CTNND2: variants seen among roughly 807,000 people sequenced by gnomAD.
CTNND2 encodes catenin delta 2.
A neutral mutation model predicts 144.4 loss-of-function variants in CTNND2; 22 were observed. The observed-to-expected ratio is 0.15, with a 90% CI of 0.11 to 0.22. CTNND2 has a LOEUF of 0.22. Among genes scored for constraint, CTNND2 ranks in the 10% least tolerant of loss-of-function variants. The probability of loss-of-function intolerance (pLI) is 1.00; values close to 1 mark genes in which losing one functional copy is unlikely to be tolerated. For missense variants in CTNND2, 1,353 were observed against 1,618.8 expected (o/e 0.84, Z 2.82); for synonymous variants, 751 against 695.6 (o/e 1.08, Z -1.25).
intron 1 of CTNND2, among the ~76,000 whole-genome samples, chr5:11,738,597 C>T (rs143816704): frequency 4.2e-3 from 643 of 152,298 alleles, no homozygotes; most frequent in Non-Finnish European, 6.8e-3. Context: ...CAAACACACA[C>T]GTAAATTCTT....
Position 11,687,490 on chromosome 5 carries a change from C to A in CTNND2, c.174+44646G>T, listed in dbSNP as rs12515796. ...AAACCTGCTGCCCCCACTTAGTCAC[C>A]AAGGTGTGGGCAAGCTACTACACCT... On this transcript the variant is annotated intron_variant, in intron 2 of 21. Coordinates refer to ENST00000304623, the MANE Select transcript of CTNND2 (RefSeq NM_001332.4). Among the ~76,000 whole-genome samples the A allele has an allele frequency of 3.8e-3, 577 of 152,360 alleles. 15 individuals are homozygous for A. The highest frequency in any genetic ancestry group is 0.035 in the Admixed American group (540 of 15,308).
intron 1 of CTNND2, among the ~76,000 whole-genome samples, chr5:11,768,669 C>T (rs1045830506): frequency 6.6e-6 from 1 of 152,166 alleles, no homozygotes; most frequent in African/African-American, 2.4e-5. Context: ...CTAAGCCAGA[C>T]CCACACTGCA....
rs188760724 is a variant in CTNND2, at chr5:11,026,288, A to G, written c.2789-3309T>C. On this transcript the variant is annotated intron_variant, in intron 16 of 21. Transcript: ENST00000304623. ...TTGGAATGACCTGCTTAGGCCCTCA[A>G]AAGGAGCAGGCACCAGTAACCACTG... is the stretch of plus-strand genomic sequence containing the variant. Among the ~76,000 whole-genome samples, 15 of 151,908 alleles carry G rather than the reference A, an allele frequency of 9.9e-5. 1 individual carries two copies. Among genetic ancestry groups the G allele is most frequent in the Admixed American group, 7.2e-4 (11 of 15,254 alleles).
intron 15 of CTNND2, among the ~76,000 whole-genome samples, chr5:11,087,830 T>C (rs1229059919): frequency 6.6e-6 from 1 of 152,124 alleles, no homozygotes; most frequent in East Asian, 1.9e-4. Context: ...TTAGCCCATA[T>C]GTTTATGCAA....
intron 1 of CTNND2, among the ~76,000 whole-genome samples, chr5:11,755,888 C>G (rs1430483606): frequency 1.3e-5 from 2 of 151,470 alleles, no homozygotes; most frequent in Non-Finnish European, 3.0e-5. Context: ...TCTCCTGAAT[C>G]TTCATGATCT....
intron 15 of CTNND2, among the ~76,000 whole-genome samples, chr5:11,090,652 A>G (rs1294139782): frequency 6.6e-6 from 1 of 152,166 alleles, no homozygotes; most frequent in African/African-American, 2.4e-5. Context: ...TCCTCGCCCC[A>G]TTGGATCCAC....
intron 9 of CTNND2, among the ~76,000 whole-genome samples, chr5:11,275,106 T>A (rs563978095): frequency 6.6e-6 from 1 of 152,250 alleles, no homozygotes; most frequent in Admixed American, 6.5e-5. Context: ...GTGTCCTCAA[T>A]AGGCCTTGCA....
chr5:11,497,116 C>T (rs1429113415), intron 3 of CTNND2, among the ~76,000 whole-genome samples: 2 of 152,140 alleles, frequency 1.3e-5, no homozygotes, highest in African/African-American at 4.8e-5. Context: ...AGCTGGGGCT[C>T]AGACTCATGT....
At chr5:11,546,674 G>A (rs549978687) in intron 3 of CTNND2, among the ~76,000 whole-genome samples, 8 of 152,154 alleles carry the variant, frequency 5.3e-5, no homozygotes, top group African/African-American at 1.2e-4. Flanking sequence ...ATGAAACAAC[G>A]AACAACACAA....
At chr5:11,883,947 T>C (rs572823461) in intron 1 of CTNND2, among the ~76,000 whole-genome samples, 36 of 152,348 alleles carry the variant, frequency 2.4e-4, no homozygotes, top group African/African-American at 8.2e-4. Flanking sequence ...TTGAGCTTTT[T>C]TCATATGTTT....
Position 11,785,658 on chromosome 5 carries a change from A to G in CTNND2, c.38-53386T>C, listed in dbSNP as rs986942376. 2.1e-3 allele frequency among the ~76,000 whole-genome samples: 15 copies of G among 6,988 alleles called. No individual in the cohort carries two copies. The Non-Finnish European group carries it at 0.17, about 82-fold the overall frequency. 4.6% of individuals were successfully genotyped at this position (6,988 alleles called of 152,430 possible). A position where few individuals can be genotyped will look rare whatever the true frequency, so the allele number is the denominator to read the frequency against. On this transcript the variant is annotated intron_variant, in intron 1 of 21. Transcript: ENST00000304623. ...CCAAACTCGCAGGTTAAATAGTGGA[A>G]AAAAAAAAATCCTAAAAATTATTAT...
rs905554003 is a variant in CTNND2, at chr5:10,973,209, G to A, written c.*244C>T. On this transcript the variant is annotated 3_prime_UTR_variant, in exon 22 of 22. Transcript: ENST00000304623. The surrounding 1 kb of genome is among the most constrained non-coding windows in gnomAD (Gnocchi z 5.6). ...CACTTCTCGTTACTCTACAGCTCAC[G>A]CTAGAAAGGTGCTGCCCACTGTCAT... 2.9e-5 allele frequency: 13 copies of A among 448,290 alleles called. No individual in the cohort carries two copies. The highest frequency in any genetic ancestry group is 4.5e-5 in the South Asian group (1 of 22,010). The allele number at this position is 448,290 out of a possible 1,614,324, so 27.8% of individuals were successfully genotyped here. A position where few individuals can be genotyped will look rare whatever the true frequency, so the allele number is the denominator to read the frequency against.
intron 12 of CTNND2, among the ~76,000 whole-genome samples, chr5:11,130,636 T>C (rs1407226144): frequency 6.6e-6 from 1 of 152,202 alleles, no homozygotes; most frequent in Non-Finnish European, 1.5e-5. Context: ...AGCCTAATTG[T>C]GCGGGTGGCC....
chr5:11,629,868 A>G (rs947206495), intron 2 of CTNND2, among the ~76,000 whole-genome samples: 3 of 152,094 alleles, frequency 2.0e-5, no homozygotes, highest in Non-Finnish European at 2.9e-5. Flanking sequence ...TTGGTCTCCA[A>G]ATCAAATAGG....
chr5:11,364,648 A>G, intron 8 of CTNND2, 48 bp downstream of exon 8: 1 of 1,500,296 alleles, frequency 6.7e-7, no homozygotes, highest in East Asian at 2.4e-5. Flanking sequence ...TCCCGCGCAG[A>G]GCCCACCCCC....
chr5:11,564,898 CA>C (rs779537836), intron 3 of CTNND2, 45 bp downstream of exon 3: 36 of 1,299,874 alleles, frequency 2.8e-5, no homozygotes, highest in Middle Eastern at 1.9e-4. Flanking sequence ...GATTTACTTG[CA>C]GGGGCAACTC....
At chr5:11,144,480 C>T (rs1031708355) in intron 12 of CTNND2, among the ~76,000 whole-genome samples, 2 of 152,122 alleles carry the variant, frequency 1.3e-5, no homozygotes, top group Non-Finnish European at 2.9e-5. Flanking sequence ...CTCACCTGTG[C>T]TTCCTCTGAG....
chr5:11,533,795 C>T (rs1398812161), intron 3 of CTNND2, among the ~76,000 whole-genome samples: 1 of 152,188 alleles, frequency 6.6e-6, no homozygotes, highest in Non-Finnish European at 1.5e-5. Flanking sequence ...CTCAGGAGTT[C>T]TGGGATGGAC....
intron 7 of CTNND2, among the ~76,000 whole-genome samples, chr5:11,368,020 T>C (rs1205504423): frequency 6.6e-6 from 1 of 152,164 alleles, no homozygotes; most frequent in African/African-American, 2.4e-5. Flanking sequence ...AACTGGGGCC[T>C]AGAGAGCTCA....
Sources: gnomAD v4.1 joint callset for allele counts (sites outside exome capture counted in the v4.1 genomes callset) on GRCh38, gnomAD v4.1.1 for gene constraint, Gnocchi (gnomAD v3.1) non-coding constraint, MANE v1.5 for transcripts, NCBI Gene and HGNC (gene_info 2026-07-23, HGNC 2026-07-21) for gene names.